PRPH2: variants seen among roughly 807,000 people sequenced by gnomAD.
PRPH2 encodes the protein peripherin-2.
In PRPH2, 17 loss-of-function variants were observed where a neutral mutation model predicts 31.3. The observed-to-expected ratio is 0.54, with a 90% CI of 0.37 to 0.81. The LOEUF (loss-of-function observed/expected upper bound fraction) is 0.81. Among genes scored for constraint, PRPH2 ranks in the 40% least tolerant of loss-of-function variants. The pLI, the probability that PRPH2 is intolerant of heterozygous loss-of-function variation, is 0.00. For missense variants in PRPH2, 430 were observed against 439.7 expected (o/e 0.98, Z 0.20); for synonymous variants, 165 against 184.4 (o/e 0.89, Z 0.85).
chr6:42,704,538 G>A lies in PRPH2; in HGVS notation c.655C>T (p.Pro219Ser), dbSNP rs749603273. The A allele has an allele frequency of 6.2e-6, 10 of 1,614,056 alleles. No homozygotes were observed. Among genetic ancestry groups the A allele is most frequent in the African/African-American group, 1.3e-5 (1 of 74,918 alleles). The stretch of plus-strand genomic sequence containing the variant: ...ATCTGATACTGGATGCAGGGCCGTG[G>A]CGAGCTAGGATTGCAGCAGCTGAAA... The part of the protein sequence containing the change: ...VPFSCCNPSS[P>S]RPCIQYQITN... Residue 219 changes from proline (P) to serine (S), a missense_variant, in exon 2 of 3, where the codon CCA becomes TCA. Physicochemically the swap from Pro to Ser is moderately conservative, Grantham distance 74 (BLOSUM62 -1). Coordinates refer to ENST00000230381, the MANE Select transcript of PRPH2 (RefSeq NM_000322.5).
At chr6:42,709,985 G>T (rs533007150) in intron 1 of PRPH2, among the ~76,000 whole-genome samples, 7 of 152,288 alleles carry the variant, frequency 4.6e-5, no homozygotes, top group Non-Finnish European at 8.8e-5. Context: ...CTAAAACTGT[G>T]TGGGCTGAGG....
chr6:42,719,858 C>T (rs889114468), intron 1 of PRPH2, among the ~76,000 whole-genome samples: 4 of 151,988 alleles, frequency 2.6e-5, no homozygotes, highest in Non-Finnish European at 5.9e-5. Context: ...TGTGAGCTAC[C>T]GCACCCGGCC....
intron 1 of PRPH2, among the ~76,000 whole-genome samples, chr6:42,720,165 G>T (rs1301825711): frequency 6.6e-6 from 1 of 152,138 alleles, no homozygotes. Flanking sequence ...TGGATCCATT[G>T]ACCATTGAGA....
chr6:42,698,411 C>T lies in PRPH2; in HGVS notation c.925G>A (p.Glu309Lys), dbSNP rs764785171. The part of the protein sequence containing the change: ...SESESQGWLL[E>K]RSVPETWKAF... The stretch of plus-strand genomic sequence containing the variant: ...TTCCAGGTCTCCGGCACGCTCCTCT[C>T]CAGCAGCCAGCCCTGGCTCTCGCTC... The change falls in exon 3 of 3, where the codon GAG (glutamate) becomes AAG (lysine). Residue 309 changes from glutamate (E) to lysine (K), a missense_variant. Transcript: ENST00000230381. 6.2e-6 allele frequency: 10 copies of T among 1,613,898 alleles called. 1 individual carries two copies. The South Asian group carries it at 1.1e-4, about 18-fold the overall frequency.
intron 1 of PRPH2, among the ~76,000 whole-genome samples, chr6:42,705,631 T>TATATATA (rs1562424355): frequency 2.1e-4 from 26 of 126,556 alleles, no homozygotes; most frequent in Non-Finnish European, 2.8e-4. Context: ...TATATATATA[T>TATATATA]TTGTGCACTT....
chr6:42,698,230 G>A lies in PRPH2; in HGVS notation c.*65C>T. ...TCAGACTTTCGGAGTTGGATGAGGG[G>A]GAGATCCACGTTTCTTGGAGTGCAC... On this transcript the variant is annotated 3_prime_UTR_variant, in exon 3 of 3. Transcript: ENST00000230381. 1 of 1,602,988 alleles carries A rather than the reference G, an allele frequency of 6.2e-7. No individual in the cohort carries two copies. Among genetic ancestry groups the A allele is most frequent in the South Asian group, 1.1e-5 (1 of 90,508 alleles).
rs370431931 is a variant in PRPH2 at position 42,708,225 on chromosome 6, TGGCAAAG to T, written c.582-3621_582-3615del. 2.1e-3 allele frequency among the ~76,000 whole-genome samples: 321 copies of T among 152,240 alleles called. 2 individuals are homozygous for T. Among genetic ancestry groups the T allele is most frequent in the African/African-American group, 7.4e-3 (308 of 41,552 alleles). ...TTGGCCGTGCAGGTTCTACCAGCTG[TGGCAAAG>T]AAGCTGTCAGCTCCTTGAGGGCAGG... On this transcript the variant is annotated intron_variant, in intron 1 of 2. Coordinates refer to ENST00000230381, the MANE Select transcript of PRPH2 (RefSeq NM_000322.5).
intron 1 of PRPH2, among the ~76,000 whole-genome samples, chr6:42,717,884 G>A (rs947260342): frequency 1.3e-5 from 2 of 152,150 alleles, no homozygotes; most frequent in African/African-American, 4.8e-5. Flanking sequence ...AAGTCTGTGG[G>A]ACTGGGCGCG....
chr6:42,713,777 G>A (rs150157277), intron 1 of PRPH2, among the ~76,000 whole-genome samples: 1 of 151,664 alleles, frequency 6.6e-6, no homozygotes, highest in Non-Finnish European at 1.5e-5. Flanking sequence ...AAAATTAGCT[G>A]GGCGTGATGG....
At chr6:42,705,937 C>G (rs954866948) in intron 1 of PRPH2, among the ~76,000 whole-genome samples, 1 of 141,188 alleles carries the variant, frequency 7.1e-6, no homozygotes, top group Non-Finnish European at 1.5e-5. Context: ...CCAGCCCGTA[C>G]GATACAGTGA....
intron 1 of PRPH2, among the ~76,000 whole-genome samples, chr6:42,714,652 G>A (rs923834316): frequency 2.0e-5 from 3 of 152,154 alleles, no homozygotes; most frequent in African/African-American, 7.2e-5. Flanking sequence ...AAGTAGCTGA[G>A]ACTATAGGCA....
At position 42,720,475 on chromosome 6, in the gene PRPH2, A is replaced by T. The variant is rs77854794; in HGVS notation, c.581+1279T>A. Among the ~76,000 whole-genome samples, 762 of 152,264 alleles carry T rather than the reference A, an allele frequency of 5.0e-3. 10 individuals are homozygous for T. Among genetic ancestry groups the T allele is most frequent in the African/African-American group, 0.017 (716 of 41,554 alleles). Reference sequence around the variant, plus strand: ...TGCAGACCTGTCACCTGGGAAGGGCACAGCCCTTTACAATCCTCTCCTGAC... The same window carrying T: ...TGCAGACCTGTCACCTGGGAAGGGCTCAGCCCTTTACAATCCTCTCCTGAC... On this transcript the variant is annotated intron_variant, in intron 1 of 2. Coordinates refer to ENST00000230381, the MANE Select transcript of PRPH2 (RefSeq NM_000322.5).
chr6:42,721,665 G>T, intron 1 of PRPH2, 89 bp downstream of exon 1: 1 of 1,470,486 alleles, frequency 6.8e-7, no homozygotes, highest in Non-Finnish European at 9.5e-7. Context: ...AAAAGGCACT[G>T]GGTGCGGGGA....
rs70990127 is a variant in PRPH2, at chr6:42,701,682, A to ATT, written c.828+2681_828+2682dup. Among the ~76,000 whole-genome samples the ATT allele has an allele frequency of 6.0e-4, 47 of 78,518 alleles. 7 individuals carry two copies. Among genetic ancestry groups the ATT allele is most frequent in the African/African-American group, 1.4e-3 (28 of 20,050 alleles). 51.5% of individuals were successfully genotyped at this position (78,518 alleles called of 152,430 possible). On this transcript the variant is annotated intron_variant, in intron 2 of 2. Transcript: ENST00000230381. ...TAGGCATGCGCCACCACGTCCAGCAATTTTTTTTTTTTTTTTTTTTTTTTT... is the reference window on the plus strand; with the variant it reads ...TAGGCATGCGCCACCACGTCCAGCAATTTTTTTTTTTTTTTTTTTTTTTTTTT...
At chr6:42,704,268 G>C in intron 2 of PRPH2, 97 bp downstream of exon 2, 1 of 1,495,288 alleles carries the variant, frequency 6.7e-7, no homozygotes, top group Non-Finnish European at 9.1e-7. Flanking sequence ...TTTCCAAAGA[G>C]GGAGGCATGC....
At chr6:42,719,410 G>A (rs946488475) in intron 1 of PRPH2, among the ~76,000 whole-genome samples, 1 of 151,642 alleles carries the variant, frequency 6.6e-6, no homozygotes, top group African/African-American at 2.4e-5. Context: ...TCCTGACCTC[G>A]TGATCCACCT....
At chr6:42,721,654 G>A (rs1437669032) in intron 1 of PRPH2, 100 bp downstream of exon 1, 2 of 1,393,220 alleles carry the variant, frequency 1.4e-6, no homozygotes, top group South Asian at 2.3e-5. Context: ...CGATGGAGAG[G>A]AAAAGGCACT....
intron 1 of PRPH2, among the ~76,000 whole-genome samples, 185 bp downstream of exon 1, chr6:42,721,569 A>G (rs964787507): frequency 1.3e-5 from 2 of 152,134 alleles, no homozygotes; most frequent in Non-Finnish European, 2.9e-5. Flanking sequence ...TTATGGGTCA[A>G]AGAGGTAGAA....
At chr6:42,705,631 T>TATATATATATATATATATATATATATATA (rs1562424355) in intron 1 of PRPH2, among the ~76,000 whole-genome samples, 1 of 126,568 alleles carries the variant, frequency 7.9e-6, no homozygotes, top group East Asian at 2.3e-4. Flanking sequence ...TATATATATA[T>TATATATATATATATATATATATATATATA]TTGTGCACTT....
Sources: gnomAD v4.1 joint callset for allele counts (sites outside exome capture counted in the v4.1 genomes callset) on GRCh38, gnomAD v4.1.1 for gene constraint, MANE v1.5 for transcripts, NCBI Gene and HGNC (gene_info 2026-07-23, HGNC 2026-07-21) for gene names.